Variants in NRXN1 observed in about 807,000 individuals in gnomAD.
The protein encoded by NRXN1 is neurexin-1.
Under a neutral mutation model 150.9 loss-of-function variants are expected in NRXN1, and 39 were observed. The observed-to-expected ratio is 0.26, with a 90% CI of 0.20 to 0.34. The LOEUF (loss-of-function observed/expected upper bound fraction) is 0.34. Ranked by LOEUF, NRXN1 falls within the 10% of genes least tolerant of loss-of-function variation. NRXN1 has a pLI of 1.00. For synonymous variants in NRXN1, 924 were observed against 757.0 expected (o/e 1.22, Z -3.62); for missense variants, 1,815 against 1,949.9 (o/e 0.93, Z 1.30).
Position 50,394,690 on chromosome 2 carries a change from T to A in NRXN1, c.3364+70752A>T, listed in dbSNP as rs543842888. On this transcript the variant is annotated intron_variant, in intron 17 of 22. Transcript: ENST00000401669. ...ATTGTCCACACTGCAGCCAGAGTTA[T>A]CTTTTTTTAAAAAATAAAAGTCATC... Among the ~76,000 whole-genome samples, 32 of 152,172 alleles carry A rather than the reference T, an allele frequency of 2.1e-4. 1 individual carries two copies. The South Asian group carries it at 6.6e-3, about 32-fold the overall frequency.
chr2:50,291,357 T>A (rs549799928), intron 17 of NRXN1, among the ~76,000 whole-genome samples: 8 of 152,254 alleles, frequency 5.3e-5, no homozygotes, highest in African/African-American at 1.9e-4. Flanking sequence ...TAAGATTTTA[T>A]CCTTAACTGC....
At chr2:50,219,063 T>C (rs1284514748) in intron 18 of NRXN1, among the ~76,000 whole-genome samples, 4 of 152,026 alleles carry the variant, frequency 2.6e-5, no homozygotes, top group Non-Finnish European at 4.4e-5. Flanking sequence ...TTTGAGTGAA[T>C]AGTTATCGTA....
chr2:50,587,580 G>A (rs1412290142), intron 8 of NRXN1, among the ~76,000 whole-genome samples: 1 of 152,100 alleles, frequency 6.6e-6, no homozygotes, highest in East Asian at 1.9e-4. Flanking sequence ...GAAGTTAAGT[G>A]GTTCAAAAAC....
intron 17 of NRXN1, among the ~76,000 whole-genome samples, chr2:50,409,383 T>C (rs1415398612): frequency 1.3e-5 from 2 of 152,248 alleles, no homozygotes; most frequent in East Asian, 3.8e-4. Context: ...TCTTTTTGTT[T>C]GGCTTCTAGT....
intron 16 of NRXN1, among the ~76,000 whole-genome samples, chr2:50,466,300 A>T (rs894079780): frequency 6.6e-6 from 1 of 151,802 alleles, no homozygotes; most frequent in African/African-American, 2.4e-5. Flanking sequence ...TATACAAACT[A>T]TGCTACAAAG....
chr2:50,092,806 C>T (rs186152283), intron 18 of NRXN1, among the ~76,000 whole-genome samples: 1 of 151,966 alleles, frequency 6.6e-6, no homozygotes, highest in African/African-American at 2.4e-5. Context: ...GTTTTCTTCC[C>T]CCTGGGTTCT....
Position 50,956,182 on chromosome 2 carries a change from C to T in NRXN1, c.773-30227G>A, listed in dbSNP as rs113455670. Among the ~76,000 whole-genome samples the T allele has an allele frequency of 1.9e-3, 290 of 152,198 alleles. 4 individuals carry two copies. Among genetic ancestry groups the T allele is most frequent in the African/African-American group, 6.8e-3 (282 of 41,542 alleles). On this transcript the variant is annotated intron_variant, in intron 2 of 22. Coordinates refer to ENST00000401669, the MANE Select transcript of NRXN1 (RefSeq NM_001330078.2). ...TTTTGAGAGAGAGAGATCACATTCA[C>T]ATAATTTTTATTAAAATATATTGTT...
intron 19 of NRXN1, among the ~76,000 whole-genome samples, chr2:50,068,638 C>T (rs1186482199): frequency 7.2e-5 from 11 of 152,220 alleles, no homozygotes; most frequent in Admixed American, 5.9e-4. Context: ...ATGCCAATCT[C>T]TTAGCACAAT....
chr2:50,588,426 A>T (rs1473287303), intron 8 of NRXN1, among the ~76,000 whole-genome samples: 1 of 152,182 alleles, frequency 6.6e-6, no homozygotes. Context: ...AAGTGTGTAG[A>T]ACATATACAG....
Position 50,734,471 on chromosome 2 carries a change from T to C in NRXN1, c.833-110856A>G, listed in dbSNP as rs549205478. ...TCAGTGTTGCACCGCTTTCTTTGTC[T>C]TTCTATGACAATAAACATCATATTT... On this transcript the variant is annotated intron_variant, in intron 5 of 22. Coordinates refer to ENST00000401669, the MANE Select transcript of NRXN1 (RefSeq NM_001330078.2). Among the ~76,000 whole-genome samples the C allele has an allele frequency of 7.2e-5, 11 of 152,286 alleles. No homozygotes were observed. The South Asian group carries it at 2.3e-3, about 32-fold the overall frequency.
chr2:50,040,838 T>C (rs1250365623), intron 21 of NRXN1, among the ~76,000 whole-genome samples: 1 of 152,142 alleles, frequency 6.6e-6, no homozygotes, highest in African/African-American at 2.4e-5. Context: ...TTAAATATAT[T>C]GTATTTTCTT....
At chr2:50,263,730 CT>C (rs897520403) in intron 17 of NRXN1, among the ~76,000 whole-genome samples, 1 of 151,972 alleles carries the variant, frequency 6.6e-6, no homozygotes, top group Non-Finnish European at 1.5e-5. Context: ...AGTATGCATC[CT>C]TTTAGAGGTC....
intron 8 of NRXN1, among the ~76,000 whole-genome samples, chr2:50,608,921 A>T (rs1397663887): frequency 6.6e-6 from 1 of 152,164 alleles, no homozygotes; most frequent in Admixed American, 6.6e-5. Context: ...GACTATTCCC[A>T]ATTCAGTTCC....
intron 17 of NRXN1, among the ~76,000 whole-genome samples, chr2:50,410,944 A>T (rs184030288): frequency 6.6e-6 from 1 of 152,356 alleles, no homozygotes; most frequent in East Asian, 1.9e-4. Flanking sequence ...GTTAAGTTAT[A>T]TCTGAACTAA....
intron 5 of NRXN1, among the ~76,000 whole-genome samples, chr2:50,645,462 T>C (rs924791974): frequency 1.3e-5 from 2 of 151,972 alleles, no homozygotes; most frequent in African/African-American, 2.4e-5. Flanking sequence ...ATACTCGTCA[T>C]CACATAAACT....
intron 17 of NRXN1, among the ~76,000 whole-genome samples, chr2:50,431,536 GTTTATT>G (rs1478073573): frequency 2.6e-5 from 4 of 152,020 alleles, no homozygotes; most frequent in Non-Finnish European, 2.9e-5. Context: ...ATTTGTTTTT[GTTTATT>G]TTTATTTTTA....
In NRXN1 at chr2:50,053,472, A is replaced by C. The variant is rs1228692111; in HGVS notation, c.3927T>G (p.Asn1309Lys). Residue 1309 changes from asparagine (N) to lysine (K), a missense_variant, in exon 21 of 23, where the codon AAT becomes AAG. Transcript: ENST00000401669. ...GLYYNGLKVL[N>K]MAAENDANIA... ...TGTTGGCATCGTTTTCGGCTGCCAT[A>C]TTCAGAACTTTCAAGCCATTGTAGT... The C allele has an allele frequency of 6.2e-7, 1 of 1,614,044 alleles. No individual in the cohort carries two copies. Among genetic ancestry groups the C allele is most frequent in the Admixed American group, 1.7e-5 (1 of 59,996 alleles).
chr2:50,337,071 T>C (rs2077234003), intron 17 of NRXN1, among the ~76,000 whole-genome samples: 1 of 150,742 alleles, frequency 6.6e-6, no homozygotes, highest in African/African-American at 2.5e-5. Context: ...ATGGACTTTC[T>C]TTTTTCTTTT....
At chr2:50,200,337 T>C (rs1450422593) in intron 18 of NRXN1, among the ~76,000 whole-genome samples, 1 of 152,184 alleles carries the variant, frequency 6.6e-6, no homozygotes. Context: ...ATCTACTGTC[T>C]GGAGTCATAA....
Sources: gnomAD v4.1 joint callset for allele counts (sites outside exome capture counted in the v4.1 genomes callset) on GRCh38, gnomAD v4.1.1 for gene constraint, MANE v1.5 for transcripts, NCBI Gene and HGNC (gene_info 2026-07-23, HGNC 2026-07-21) for gene names.